RALYL: variants seen among roughly 807,000 people sequenced by gnomAD.
The protein encoded by RALYL is RNA-binding Raly-like protein.
In RALYL, 29 loss-of-function variants were observed where a neutral mutation model predicts 35.1. That is an observed-to-expected ratio of 0.83 (90% confidence interval 0.61 to 1.13). The LOEUF (loss-of-function observed/expected upper bound fraction) is 1.13, where lower values mean the gene tolerates loss of function less well. Ranked by LOEUF, RALYL falls within the 50% of genes most tolerant of loss-of-function variation. RALYL has a pLI of 0.00. For missense variants in RALYL, 359 were observed against 360.4 expected (o/e 1.00, Z 0.03); for synonymous variants, 120 against 127.6 (o/e 0.94, Z 0.40).
intron 8 of RALYL, among the ~76,000 whole-genome samples, chr8:84,918,875 T>C (rs1848887270): frequency 6.6e-6 from 1 of 152,098 alleles, no homozygotes; most frequent in African/African-American, 2.4e-5. Flanking sequence ...TTCAATAAAT[T>C]ATTTTCAAAT....
intron 1 of RALYL, among the ~76,000 whole-genome samples, chr8:84,303,341 T>A (rs1841178316): frequency 6.6e-6 from 1 of 152,210 alleles, no homozygotes; most frequent in Non-Finnish European, 1.5e-5. Context: ...AATTTAGTAA[T>A]GAAGAGCAGC....
intron 2 of RALYL, among the ~76,000 whole-genome samples, chr8:84,531,257 A>G (rs1259819402): frequency 6.6e-6 from 1 of 152,190 alleles, no homozygotes; most frequent in Non-Finnish European, 1.5e-5. Context: ...ATCAAATGAT[A>G]TAACACAATT....
At chr8:84,221,495 T>C (rs773492282) in intron 1 of RALYL, among the ~76,000 whole-genome samples, 196 of 152,194 alleles carry the variant, frequency 1.3e-3, no homozygotes, top group Non-Finnish European at 2.2e-3. Flanking sequence ...GATACATGCT[T>C]TATTGATCAT....
intron 1 of RALYL, among the ~76,000 whole-genome samples, chr8:84,372,897 T>TTTTG (rs1554638838): frequency 3.6e-5 from 5 of 137,024 alleles, no homozygotes; most frequent in East Asian, 2.1e-4. Flanking sequence ...TTTTTTTTTT[T>TTTTG]TTTTTTTTTT....
chr8:84,469,164 A>G (rs1222244878), intron 1 of RALYL, among the ~76,000 whole-genome samples: 2 of 151,968 alleles, frequency 1.3e-5, no homozygotes, highest in Non-Finnish European at 2.9e-5. Context: ...TTCTCCATCC[A>G]GTTTTGTTCC....
Position 84,314,542 on chromosome 8 carries a change from G to A in RALYL, c.-24+130118G>A, listed in dbSNP as rs570394183. On this transcript the variant is annotated intron_variant, in intron 1 of 8. Transcript: ENST00000521268. ...AATAAATATATGTGAAACCAAAACC[G>A]AATTGAAGAAGATAATATGTAAACA... is the stretch of plus-strand genomic sequence containing the variant. Among the ~76,000 whole-genome samples, 105 of 152,012 alleles carry A rather than the reference G, an allele frequency of 6.9e-4. 2 individuals carry two copies. The South Asian group carries it at 0.02, about 29-fold the overall frequency.
At position 84,527,250 on chromosome 8, in the gene RALYL, T is replaced by G. The variant is rs553761027; in HGVS notation, c.-23-2049T>G. Among the ~76,000 whole-genome samples, 5 of 151,788 alleles carry G rather than the reference T, an allele frequency of 3.3e-5. No homozygotes were observed. The East Asian group carries it at 9.8e-4, about 30-fold the overall frequency. ...CAGTTTGGAGGTACAGGTATGAGTG[T>G]CATCTACACAGAATAAAAGAACAGA... On this transcript the variant is annotated intron_variant, in intron 1 of 8. Coordinates refer to ENST00000521268, the MANE Select transcript of RALYL (RefSeq NM_173848.7).
At chr8:84,593,957 G>C (rs1356175528) in intron 2 of RALYL, among the ~76,000 whole-genome samples, 2 of 151,948 alleles carry the variant, frequency 1.3e-5, no homozygotes, top group African/African-American at 4.8e-5. Flanking sequence ...TTGCCTCATG[G>C]ACAACTATTT....
At chr8:84,521,124 T>C (rs1048522660) in intron 1 of RALYL, among the ~76,000 whole-genome samples, 6 of 152,156 alleles carry the variant, frequency 3.9e-5, no homozygotes, top group African/African-American at 1.2e-4. Context: ...CTTTGGTAGA[T>C]AATTTGGTTT....
rs1176268496 is a variant in RALYL at position 84,598,104 on chromosome 8, T to G, written c.256+68527T>G. On this transcript the variant is annotated intron_variant, in intron 2 of 8. Coordinates refer to ENST00000521268, the MANE Select transcript of RALYL (RefSeq NM_173848.7). ...TTGCACTAGATTGTTCTGCTCTGCC[T>G]TGGTTCCTATGCTTGTCTTCATGGA... Among the ~76,000 whole-genome samples the G allele has an allele frequency of 2.6e-5, 4 of 152,164 alleles. No individual in the cohort carries two copies. In the East Asian group the frequency reaches 7.7e-4, roughly 29 times the overall value.
chr8:84,707,299 G>A (rs1413898885), intron 2 of RALYL, among the ~76,000 whole-genome samples: 2 of 152,100 alleles, frequency 1.3e-5, no homozygotes, highest in African/African-American at 4.8e-5. Flanking sequence ...AATGATTGGT[G>A]TGAAGTCTAC....
At chr8:84,874,399 G>C (rs1355364971) in intron 7 of RALYL, among the ~76,000 whole-genome samples, 1 of 152,136 alleles carries the variant, frequency 6.6e-6, no homozygotes, top group Non-Finnish European at 1.5e-5. Flanking sequence ...TCTAATTAGT[G>C]ATAGACCTCG....
At chr8:84,669,487 TC>T (rs71273910) in intron 2 of RALYL, among the ~76,000 whole-genome samples, 1,093 of 15,488 alleles carry the variant, frequency 0.071, 23 homozygotes, top group African/African-American at 0.096. Flanking sequence ...CCCTCCCCCC[TC>T]CCCCCCCCCC....
At chr8:84,876,850 G>A (rs556358097) in intron 7 of RALYL, among the ~76,000 whole-genome samples, 4 of 152,114 alleles carry the variant, frequency 2.6e-5, no homozygotes, top group Non-Finnish European at 5.9e-5. Flanking sequence ...TGGTATAAGA[G>A]ATGAAGTTTT....
intron 2 of RALYL, among the ~76,000 whole-genome samples, chr8:84,562,236 T>C (rs2061510016): frequency 6.6e-6 from 1 of 151,936 alleles, no homozygotes; most frequent in Non-Finnish European, 1.5e-5. Flanking sequence ...TTTATTTTAA[T>C]TGCATGTGAT....
At chr8:84,722,749 C>A (rs1447035934) in intron 2 of RALYL, among the ~76,000 whole-genome samples, 1 of 147,054 alleles carries the variant, frequency 6.8e-6, no homozygotes, top group Non-Finnish European at 1.5e-5. Context: ...ATCACTCTAG[C>A]AATATACTCA....
intron 8 of RALYL, among the ~76,000 whole-genome samples, chr8:84,894,260 T>C (rs1844365926): frequency 6.6e-6 from 1 of 152,226 alleles, no homozygotes; most frequent in South Asian, 2.1e-4. Flanking sequence ...GCGCTTCTCT[T>C]TCTTTTTCTT....
At chr8:84,230,457 A>G (rs1825065520) in intron 1 of RALYL, among the ~76,000 whole-genome samples, 1 of 152,162 alleles carries the variant, frequency 6.6e-6, no homozygotes, top group Admixed American at 6.6e-5. Context: ...TAGTATACTA[A>G]TGAATGTTAT....
At chr8:84,731,867 A>ATT (rs1003933678) in intron 2 of RALYL, among the ~76,000 whole-genome samples, 5 of 151,870 alleles carry the variant, frequency 3.3e-5, no homozygotes, top group African/African-American at 1.2e-4. Flanking sequence ...ATCTTCCCTC[A>ATT]TTTTTCCATG....
Sources: allele counts gnomAD v4.1 joint callset (sites outside exome capture counted in the v4.1 genomes callset), GRCh38; gene constraint gnomAD v4.1.1; transcripts MANE v1.5; gene names NCBI Gene and HGNC (gene_info 2026-07-23, HGNC 2026-07-21).